HAT1: variants seen among roughly 807,000 people sequenced by gnomAD.
HAT1 encodes histone acetyltransferase type B catalytic subunit.
HAT1 carries 20 observed loss-of-function variants against 56.6 expected under a neutral mutation model. The observed-to-expected ratio is 0.35, with a 90% confidence interval of 0.25 to 0.51. The LOEUF (loss-of-function observed/expected upper bound fraction) is 0.51. HAT1 is among the 20% of genes least tolerant of loss of function. HAT1 has a pLI of 0.95. For synonymous variants in HAT1, 146 were observed against 165.5 expected, an observed-to-expected ratio of 0.88 and a Z score of 0.91; for missense variants, 408 against 504.3, an observed-to-expected ratio of 0.81 and a Z score of 1.83.
rs1687092921 is a variant in HAT1, at chr2:171,943,957, G to A, written c.113-2751G>A. 2.0e-5 allele frequency among the ~76,000 whole-genome samples: 3 copies of A among 151,922 alleles called. 1 individual carries two copies. The Middle Eastern group carries it at 0.01, about 517-fold the overall frequency. ...GAGCCCAGAAATTGGATACGAGCCTGGGCAACAAAGACCCCCATCTGTACA... is the reference window on the plus strand; with the variant it reads ...GAGCCCAGAAATTGGATACGAGCCTAGGCAACAAAGACCCCCATCTGTACA... On this transcript the variant is annotated intron_variant, in intron 2 of 10. Transcript: ENST00000264108.
intron 2 of HAT1, among the ~76,000 whole-genome samples, chr2:171,933,040 A>G (rs927199972): frequency 6.6e-6 from 1 of 151,730 alleles, no homozygotes; most frequent in African/African-American, 2.4e-5. Context: ...AAATTCTTTC[A>G]TCTTACTTTG....
At chr2:171,944,366 C>T (rs1425318242) in intron 2 of HAT1, among the ~76,000 whole-genome samples, 1 of 152,164 alleles carries the variant, frequency 6.6e-6, no homozygotes, top group Non-Finnish European at 1.5e-5. Flanking sequence ...AGTTTAACTT[C>T]CTCCTCTATC....
intron 2 of HAT1, among the ~76,000 whole-genome samples, chr2:171,929,236 T>A (rs1686677128): frequency 6.6e-6 from 1 of 151,882 alleles, no homozygotes; most frequent in Non-Finnish European, 1.5e-5. Flanking sequence ...TTAAGGATTG[T>A]TTTTTTAATG....
At chr2:171,962,615 A>G (rs941537930) in intron 4 of HAT1, among the ~76,000 whole-genome samples, 2 of 152,176 alleles carry the variant, frequency 1.3e-5, no homozygotes, top group African/African-American at 4.8e-5. Flanking sequence ...GCTGGTCTCA[A>G]ACTCCTGACT....
chr2:171,980,392 C>T (rs1688103058), intron 10 of HAT1: 1 of 151,986 alleles, frequency 6.6e-6, no homozygotes, highest in Non-Finnish European at 1.5e-5. Context: ...AATCTTTGTA[C>T]TTTACCATAG....
chr2:171,962,568 ATT>A (rs911444078), intron 4 of HAT1, among the ~76,000 whole-genome samples: 2 of 152,040 alleles, frequency 1.3e-5, no homozygotes, highest in African/African-American at 4.8e-5. Flanking sequence ...CTACTTTTGT[ATT>A]TTTATTAGAG....
chr2:171,927,735 G>A (rs1420276031), intron 2 of HAT1, among the ~76,000 whole-genome samples: 1 of 151,270 alleles, frequency 6.6e-6, no homozygotes, highest in Non-Finnish European at 1.5e-5. Flanking sequence ...TTACAGGCAT[G>A]TGCCACCAGC....
chr2:171,925,792 TCA>T, intron 2 of HAT1, 151 bp downstream of exon 2: 1 of 526,716 alleles, frequency 1.9e-6, no homozygotes, highest in Non-Finnish European at 3.4e-6. Flanking sequence ...CAGATTTTAT[TCA>T]GTTTTGATTT....
Position 171,955,215 on chromosome 2 carries a change from G to C in HAT1, c.309+2214G>C, listed in dbSNP as rs751617333. 3.0e-4 allele frequency among the ~76,000 whole-genome samples: 46 copies of C among 152,214 alleles called. 1 individual carries two copies. Among genetic ancestry groups the C allele is most frequent in the Non-Finnish European group, 1.2e-4 (8 of 68,032 alleles). ...GCTATAACCAATAACTAAAAATGTA[G>C]AAGTGTCTTTGGAAATAGGTAGAGG... On this transcript the variant is annotated intron_variant, in intron 4 of 10. Coordinates refer to ENST00000264108, the MANE Select transcript of HAT1 (RefSeq NM_003642.4).
chr2:171,926,677 G>T (rs1391781521), intron 2 of HAT1, among the ~76,000 whole-genome samples: 1 of 152,060 alleles, frequency 6.6e-6, no homozygotes, highest in African/African-American at 2.4e-5. Flanking sequence ...CAGTCCCCTG[G>T]CTTGGCCTCC....
At chr2:171,953,777 C>T (rs13004511) in intron 4 of HAT1, among the ~76,000 whole-genome samples, 93 of 151,994 alleles carry the variant, frequency 6.1e-4, no homozygotes, top group African/African-American at 1.9e-3. Flanking sequence ...GGCGGATCAC[C>T]TGAGGCCAGG....
chr2:171,946,928 T>G (rs889504462), intron 3 of HAT1, 145 bp downstream of exon 3: 3 of 547,530 alleles, frequency 5.5e-6, no homozygotes, highest in Non-Finnish European at 9.6e-6. Flanking sequence ...TGGTGTTTTT[T>G]TACATTGAGA....
intron 2 of HAT1, among the ~76,000 whole-genome samples, chr2:171,938,024 T>TTCTCTCTCTCCC (rs1686913844): frequency 9.5e-6 from 1 of 104,802 alleles, no homozygotes; most frequent in Non-Finnish European, 1.8e-5. Context: ...TGTCTACTGA[T>TTCTCTCTCTCCC]TCTCTCTCTC....
chr2:171,978,994 G>C (rs1688060145), intron 9 of HAT1, among the ~76,000 whole-genome samples: 1 of 152,028 alleles, frequency 6.6e-6, no homozygotes, highest in South Asian at 2.1e-4. Context: ...AGGAGGCTGA[G>C]GTGGGAGGAT....
intron 6 of HAT1, 146 bp from the exon 7 acceptor site, chr2:171,966,263 A>C: frequency 1.5e-6 from 1 of 663,940 alleles, no homozygotes; most frequent in South Asian, 1.7e-5. Flanking sequence ...TGAATTGTAC[A>C]TTCAGAACAT....
At chr2:171,942,455 G>C (rs747700568) in intron 2 of HAT1, among the ~76,000 whole-genome samples, 1 of 151,852 alleles carries the variant, frequency 6.6e-6, no homozygotes, top group Non-Finnish European at 1.5e-5. Flanking sequence ...CGAGGTTACC[G>C]TATCATGTTC....
At chr2:171,935,964 G>A (rs1292692249) in intron 2 of HAT1, among the ~76,000 whole-genome samples, 1 of 152,072 alleles carries the variant, frequency 6.6e-6, no homozygotes, top group East Asian at 1.9e-4. Flanking sequence ...ATGGTACAAT[G>A]TTTGAAATAG....
intron 8 of HAT1, among the ~76,000 whole-genome samples, chr2:171,973,863 A>T (rs189398407): frequency 5.3e-4 from 81 of 152,194 alleles, no homozygotes; most frequent in African/African-American, 1.9e-3. Flanking sequence ...AAGGTTGGGG[A>T]TCACTGCTCT....
rs775881125 is a variant in HAT1 at position 171,949,494 on chromosome 2, T to C, written c.188+2711T>C. ...GAGTTTGCGACCAGCCTGGGCAACATGGTGAAACCACGTCTCTACTAAAAT... is the reference window on the plus strand; with the variant it reads ...GAGTTTGCGACCAGCCTGGGCAACACGGTGAAACCACGTCTCTACTAAAAT... On this transcript the variant is annotated intron_variant, in intron 3 of 10. Transcript: ENST00000264108. 6.2e-4 allele frequency among the ~76,000 whole-genome samples: 94 copies of C among 151,976 alleles called. 1 individual carries two copies. The highest frequency in any genetic ancestry group is 3.5e-4 in the Non-Finnish European group (24 of 67,978).
Sources: allele counts gnomAD v4.1 joint callset (sites outside exome capture counted in the v4.1 genomes callset), GRCh38; gene constraint gnomAD v4.1.1; transcripts MANE v1.5; gene names NCBI Gene and HGNC (gene_info 2026-07-23, HGNC 2026-07-21).